Variants in FER1L6 observed in about 807,000 individuals in gnomAD.
FER1L6 encodes fer-1 like family member 6.
In FER1L6, 177 loss-of-function variants were observed where a neutral mutation model predicts 219.2. The ratio of observed to expected loss-of-function variants is 0.81; its 90% confidence interval spans 0.71 to 0.91. FER1L6 has a LOEUF of 0.91. FER1L6 is among the 40% of genes least tolerant of loss of function. FER1L6 has a pLI of 0.00. For synonymous variants in FER1L6, 768 were observed against 824.3 expected (o/e 0.93, Z 1.17); for missense variants, 2,153 against 2,259.9 (o/e 0.95, Z 0.96).
rs552471671 is a variant in FER1L6 at position 123,911,584 on chromosome 8, C to T, written c.-7-44408C>T. 5.3e-5 allele frequency among the ~76,000 whole-genome samples: 8 copies of T among 152,306 alleles called. No individual in the cohort carries two copies. The East Asian group carries it at 1.4e-3, about 26-fold the overall frequency. On this transcript the variant is annotated intron_variant, in intron 1 of 40. Coordinates refer to ENST00000522917, the MANE Select transcript of FER1L6 (RefSeq NM_001039112.2). ...ACCTAGGTCTTTCTGGCTCTGCATT[C>T]TGTGTCCATCTTCCTGTTCACTTAG...
rs1816554766 is a variant in FER1L6 at position 123,853,229 on chromosome 8, A to G, written c.-8+1044A>G. Among the ~76,000 whole-genome samples the G allele has an allele frequency of 6.6e-6, 1 of 152,174 alleles. No individual in the cohort carries two copies. The highest frequency in any genetic ancestry group is 1.5e-5 in the Non-Finnish European group (1 of 68,030). ...GAGTGCAGTGGTACAATCTTGGCTC[A>G]CTGCAGCCGCCACCTCCCAGGTTCA... is the stretch of plus-strand genomic sequence containing the variant. On this transcript the variant is annotated intron_variant, in intron 1 of 40. Coordinates refer to ENST00000522917, the MANE Select transcript of FER1L6 (RefSeq NM_001039112.2). The surrounding 1 kb of genome is among the most constrained non-coding windows in gnomAD (Gnocchi z 6.6).
chr8:124,103,028 G>T lies in FER1L6; in HGVS notation c.5126-118G>T, dbSNP rs964212650. 9 of 933,292 alleles carry T rather than the reference G, an allele frequency of 9.6e-6. No homozygotes were observed. In the African/African-American group the frequency reaches 1.5e-4, roughly 15 times the overall value. 57.8% of individuals were successfully genotyped at this position (933,292 alleles called of 1,614,324 possible). A position where few individuals can be genotyped will look rare whatever the true frequency, so the allele number is the denominator to read the frequency against. On this transcript the variant is annotated intron_variant, in intron 38 of 40. Transcript: ENST00000522917. ...TAGCACATAGTTGTGATCCAATATGGTACTGATTGAATGAGTAGGAAGTGA... is the reference window on the plus strand; with the variant it reads ...TAGCACATAGTTGTGATCCAATATGTTACTGATTGAATGAGTAGGAAGTGA...
intron 18 of FER1L6, among the ~76,000 whole-genome samples, chr8:124,032,177 C>A (rs1227160321): frequency 6.6e-6 from 1 of 152,166 alleles, no homozygotes; most frequent in Non-Finnish European, 1.5e-5. Flanking sequence ...ATAATCCCAG[C>A]ACTTTGGGAG....
intron 39 of FER1L6, among the ~76,000 whole-genome samples, chr8:124,104,312 C>A (rs1173323404): frequency 6.6e-6 from 1 of 152,102 alleles, no homozygotes; most frequent in Non-Finnish European, 1.5e-5. Context: ...AGAATGAAAC[C>A]AGAAATGAAT....
At chr8:123,923,941 GAAAAAA>G (rs60137127) in intron 1 of FER1L6, among the ~76,000 whole-genome samples, 4 of 94,780 alleles carry the variant, frequency 4.2e-5, no homozygotes, top group South Asian at 3.8e-4. Context: ...CTCCAACTAA[GAAAAAA>G]AAAAAAAAAA....
chr8:123,927,954 A>C (rs1375731394), intron 1 of FER1L6, among the ~76,000 whole-genome samples: 2 of 152,096 alleles, frequency 1.3e-5, no homozygotes, highest in Non-Finnish European at 2.9e-5. Flanking sequence ...TGTGCATATC[A>C]TGAATAATGG....
At chr8:124,065,821 C>A (rs754138600) in intron 26 of FER1L6, among the ~76,000 whole-genome samples, 5 of 152,116 alleles carry the variant, frequency 3.3e-5, no homozygotes, top group Non-Finnish European at 7.4e-5. Context: ...AGCAGGACAC[C>A]CGTCTTCTTC....
intron 13 of FER1L6, among the ~76,000 whole-genome samples, chr8:124,006,496 G>T (rs934181735): frequency 3.9e-5 from 6 of 152,160 alleles, no homozygotes; most frequent in Non-Finnish European, 2.9e-5. Context: ...CCCTATACAT[G>T]TGTGCACATA....
At position 123,853,931 on chromosome 8, in the gene FER1L6, G is replaced by A. The variant is rs1318779388; in HGVS notation, c.-8+1746G>A. Among the ~76,000 whole-genome samples the A allele has an allele frequency of 6.6e-6, 1 of 152,222 alleles. No individual in the cohort carries two copies. Among genetic ancestry groups the A allele is most frequent in the East Asian group, 1.9e-4 (1 of 5,196 alleles). ...GCAGCAGAAGGTGCACCTCTGAGGA[G>A]CAAAGGATGCAGGGCTTCTGTGGGC... On this transcript the variant is annotated intron_variant, in intron 1 of 40. Transcript: ENST00000522917. This position sits in a 1 kb window ranked among gnomAD's most constrained non-coding sequence, Gnocchi z 6.6.
intron 13 of FER1L6, among the ~76,000 whole-genome samples, chr8:124,005,745 A>G (rs1301808203): frequency 2.6e-5 from 4 of 152,218 alleles, no homozygotes; most frequent in Non-Finnish European, 1.5e-5. Context: ...ACAGAGTACT[A>G]TGGGAACAGA....
intron 1 of FER1L6, among the ~76,000 whole-genome samples, chr8:123,930,640 G>A (rs1361894620): frequency 6.6e-6 from 1 of 152,104 alleles, no homozygotes; most frequent in Non-Finnish European, 1.5e-5. Context: ...ACCACGTTTT[G>A]TATGAGTGGC....
intron 1 of FER1L6, among the ~76,000 whole-genome samples, chr8:123,880,903 CCA>C (rs1817096643): frequency 3.3e-5 from 3 of 91,034 alleles, no homozygotes. Context: ...ATATCAGGAT[CCA>C]GTTGGGGGCT....
Position 124,021,534 on chromosome 8 carries a change from T to G in FER1L6, c.2014-16T>G. 1 of 1,613,626 alleles carries G rather than the reference T, an allele frequency of 6.2e-7. No individual in the cohort carries two copies. On this transcript the variant is annotated splice_polypyrimidine_tract_variant and intron_variant, in intron 16 of 40. Coordinates refer to ENST00000522917, the MANE Select transcript of FER1L6 (RefSeq NM_001039112.2). ...GATCTCTCGAAAGACCCACACTGAC[T>G]CTTGTCTTGTTTTAGGAAGCAATGT...
At chr8:123,939,741 T>A (rs1814155813) in intron 1 of FER1L6, among the ~76,000 whole-genome samples, 1 of 152,162 alleles carries the variant, frequency 6.6e-6, no homozygotes, top group South Asian at 2.1e-4. Flanking sequence ...ACTCAGCAGC[T>A]GGAGCTGTCA....
chr8:124,003,691 TCTC>T (rs2130508824), intron 13 of FER1L6, among the ~76,000 whole-genome samples: 1 of 152,090 alleles, frequency 6.6e-6, no homozygotes, highest in South Asian at 2.1e-4. Flanking sequence ...ATGGTCTCAA[TCTC>T]CTGATCTCAT....
At chr8:123,945,876 G>A (rs1814463758) in intron 1 of FER1L6, among the ~76,000 whole-genome samples, 1 of 152,116 alleles carries the variant, frequency 6.6e-6, no homozygotes, top group Non-Finnish European at 1.5e-5. Flanking sequence ...TAACAGATAT[G>A]AACTTCCTTT....
intron 1 of FER1L6, among the ~76,000 whole-genome samples, chr8:123,925,280 A>G (rs1813520258): frequency 6.6e-6 from 1 of 152,196 alleles, no homozygotes. Flanking sequence ...TAGCTCTGAA[A>G]TCCTGACAGT....
At chr8:124,087,822 G>A (rs1821848013) in intron 33 of FER1L6, among the ~76,000 whole-genome samples, 1 of 152,180 alleles carries the variant, frequency 6.6e-6, no homozygotes, top group South Asian at 2.1e-4. Context: ...GTAATACTGT[G>A]GCTCCTGCAG....
At chr8:123,929,121 G>C (rs988966519) in intron 1 of FER1L6, among the ~76,000 whole-genome samples, 1 of 152,176 alleles carries the variant, frequency 6.6e-6, no homozygotes, top group African/African-American at 2.4e-5. Context: ...TTCTTGGCTT[G>C]AGAGGTGTAT....
Sources: allele counts gnomAD v4.1 joint callset (sites outside exome capture counted in the v4.1 genomes callset), GRCh38; gene constraint gnomAD v4.1.1; non-coding constraint Gnocchi (gnomAD v3.1); transcripts MANE v1.5; gene names NCBI Gene and HGNC (gene_info 2026-07-23, HGNC 2026-07-21).